The following MAST4 variants were observed in gnomAD, a reference collection of about 807,000 sequenced individuals.
MAST4 encodes microtubule-associated serine/threonine-protein kinase 4.
A neutral mutation model predicts 162.7 loss-of-function variants in MAST4; 89 were observed. The ratio of observed to expected loss-of-function variants is 0.55; its 90% confidence interval spans 0.46 to 0.65. The LOEUF (loss-of-function observed/expected upper bound fraction) is 0.65. Ranked by LOEUF, MAST4 falls within the 30% of genes least tolerant of loss-of-function variation. The pLI is 0.00. For synonymous variants in MAST4, 1,479 were observed against 1,361.1 expected (o/e 1.09, Z -1.91); for missense variants, 3,153 against 3,374.0 (o/e 0.93, Z 1.62).
chr5:66,921,747 G>A (rs1252896406), intron 4 of MAST4, among the ~76,000 whole-genome samples: 2 of 151,848 alleles, frequency 1.3e-5, no homozygotes, highest in Admixed American at 6.6e-5. Flanking sequence ...TGACAGAATG[G>A]GACCCATCTC....
At chr5:66,609,743 A>T (rs1359267002) in intron 1 of MAST4, among the ~76,000 whole-genome samples, 1 of 146,650 alleles carries the variant, frequency 6.8e-6, no homozygotes, top group African/African-American at 2.5e-5. Context: ...ACAAAGGCAG[A>T]CAGTTCTCAG....
rs1772865693 is a variant in MAST4 at position 67,158,919 on chromosome 5, A to G, written c.3649-1537A>G. ...CCTGGTTGCACATGCCTGTAATCCCAGCTACCTGGGAGGCTGAGGCAGGAG... is the reference window on the plus strand; with the variant it reads ...CCTGGTTGCACATGCCTGTAATCCCGGCTACCTGGGAGGCTGAGGCAGGAG... On this transcript the variant is annotated intron_variant, in intron 26 of 28. Transcript: ENST00000403625. Among the ~76,000 whole-genome samples the G allele has an allele frequency of 2.6e-5, 4 of 152,204 alleles. No individual in the cohort carries two copies. In the South Asian group the frequency reaches 6.2e-4, roughly 24 times the overall value.
At chr5:67,016,105 T>C (rs1207898783) in intron 4 of MAST4, among the ~76,000 whole-genome samples, 2 of 152,008 alleles carry the variant, frequency 1.3e-5, no homozygotes, top group East Asian at 3.8e-4. Flanking sequence ...AGAATTAGAG[T>C]AACATGCGGT....
intron 4 of MAST4, among the ~76,000 whole-genome samples, chr5:67,033,347 C>CTTT (rs5868472): frequency 8.9e-6 from 1 of 112,148 alleles, no homozygotes; most frequent in South Asian, 2.8e-4. Flanking sequence ...GTGTGTGTGG[C>CTTT]TTTTTTTTTT....
At chr5:66,714,755 G>A (rs899648028) in intron 1 of MAST4, among the ~76,000 whole-genome samples, 11 of 152,048 alleles carry the variant, frequency 7.2e-5, no homozygotes, top group African/African-American at 2.7e-4. Context: ...TTGCTTTGCC[G>A]CACACTGAGT....
At chr5:66,958,383 G>C (rs1289006987) in intron 4 of MAST4, among the ~76,000 whole-genome samples, 2 of 152,114 alleles carry the variant, frequency 1.3e-5, no homozygotes, top group African/African-American at 4.8e-5. Context: ...GAAAAATTAG[G>C]TTCTTTTAAT....
intron 4 of MAST4, among the ~76,000 whole-genome samples, chr5:66,945,931 A>G (rs183865266): frequency 1.9e-3 from 292 of 152,266 alleles, no homozygotes; most frequent in Admixed American, 3.7e-3. Context: ...ATCCGTATAA[A>G]GAGATGGCTT....
intron 4 of MAST4, among the ~76,000 whole-genome samples, chr5:67,045,675 G>C (rs1757279530): frequency 6.6e-6 from 1 of 152,208 alleles, no homozygotes; most frequent in Admixed American, 6.5e-5. Flanking sequence ...TTGGGGCTAA[G>C]TTTGAGGATT....
At chr5:66,769,179 C>T (rs964449789) in intron 2 of MAST4, among the ~76,000 whole-genome samples, 1 of 152,148 alleles carries the variant, frequency 6.6e-6, no homozygotes, top group African/African-American at 2.4e-5. Flanking sequence ...ACTGGGTATA[C>T]TGGTTCCAGA....
At chr5:67,068,473 C>T (rs561216163) in intron 5 of MAST4, among the ~76,000 whole-genome samples, 66 of 152,110 alleles carry the variant, frequency 4.3e-4, no homozygotes, top group Non-Finnish European at 7.8e-4. Context: ...AGACTCACTC[C>T]CTATCACGAG....
intron 1 of MAST4, among the ~76,000 whole-genome samples, chr5:66,713,923 C>T (rs1402251338): frequency 1.3e-5 from 2 of 152,106 alleles, no homozygotes; most frequent in African/African-American, 4.8e-5. Context: ...AATTTATTTC[C>T]GTGTGCCTGA....
At chr5:66,800,665 A>C (rs901367585) in intron 3 of MAST4, among the ~76,000 whole-genome samples, 2 of 152,182 alleles carry the variant, frequency 1.3e-5, no homozygotes, top group Non-Finnish European at 2.9e-5. Context: ...CCTATGTAAC[A>C]AACCTGCATT....
At chr5:66,779,901 T>C (rs1205436494) in intron 2 of MAST4, among the ~76,000 whole-genome samples, 2 of 152,150 alleles carry the variant, frequency 1.3e-5, no homozygotes, top group Admixed American at 6.5e-5. Context: ...TTATAAATGA[T>C]TGGGAGGGCT....
At chr5:67,051,770 C>G (rs532442012) in intron 4 of MAST4, among the ~76,000 whole-genome samples, 1 of 152,084 alleles carries the variant, frequency 6.6e-6, no homozygotes, top group African/African-American at 2.4e-5. Flanking sequence ...ATTTTAGCAA[C>G]AAATTCATTC....
intron 4 of MAST4, among the ~76,000 whole-genome samples, chr5:66,983,644 T>C (rs1304097595): frequency 2.0e-5 from 3 of 152,138 alleles, no homozygotes; most frequent in African/African-American, 4.8e-5. Flanking sequence ...AAATAGTTTC[T>C]ACAAAACTGA....
At position 66,939,499 on chromosome 5, in the gene MAST4, C is replaced by T. The variant is rs188877529; in HGVS notation, c.674+39517C>T. Reference sequence around the variant, plus strand: ...TTGAATTTCACTAACAACGTTTTACCTTTTCATTGTATTTTGCTAGTTAGT... The same window carrying T: ...TTGAATTTCACTAACAACGTTTTACTTTTTCATTGTATTTTGCTAGTTAGT... On this transcript the variant is annotated intron_variant, in intron 4 of 28. Transcript: ENST00000403625. 1.4e-4 allele frequency among the ~76,000 whole-genome samples: 21 copies of T among 152,106 alleles called. No homozygotes were observed. In the East Asian group the frequency reaches 1.9e-3, roughly 14 times the overall value.
Position 67,166,797 on chromosome 5 carries a change from A to G in MAST4, c.7618A>G (p.Thr2540Ala). Reference protein sequence around the residue: ...PLESHHPDPNTMGGASHRDRA... With the variant: ...PLESHHPDPNAMGGASHRDRA... ...GGAGTCACACCACCCCGACCCAAAC[A>G]CCATGGGCGGGGCCAGCCACCGGGA... The change falls in exon 29 of 29, where the codon ACC (threonine) becomes GCC (alanine). Residue 2540 changes from threonine (T) to alanine (A), a missense_variant. Coordinates refer to ENST00000403625, the MANE Select transcript of MAST4 (RefSeq NM_001164664.2). The G allele has an allele frequency of 6.3e-7, 1 of 1,598,840 alleles. No individual in the cohort carries two copies. The highest frequency in any genetic ancestry group is 8.5e-7 in the Non-Finnish European group (1 of 1,174,208).
At chr5:66,908,615 T>G (rs1392915392) in intron 4 of MAST4, among the ~76,000 whole-genome samples, 2 of 152,186 alleles carry the variant, frequency 1.3e-5, no homozygotes, top group Non-Finnish European at 2.9e-5. Context: ...TGGAATAACT[T>G]TTTAGCAAAT....
At chr5:66,906,213 C>G (rs1452505437) in intron 4 of MAST4, among the ~76,000 whole-genome samples, 1 of 152,138 alleles carries the variant, frequency 6.6e-6, no homozygotes, top group Non-Finnish European at 1.5e-5. Context: ...GTCGGTTGTG[C>G]TGAATTCCAA....
Sources: gnomAD v4.1 joint callset for allele counts (sites outside exome capture counted in the v4.1 genomes callset) on GRCh38, gnomAD v4.1.1 for gene constraint, MANE v1.5 for transcripts, NCBI Gene and HGNC (gene_info 2026-07-23, HGNC 2026-07-21) for gene names.